EFHC2: variants seen among roughly 807,000 people sequenced by gnomAD.
EFHC2 encodes the protein EF-hand domain-containing family member C2.
A neutral mutation model predicts 52.7 loss-of-function variants in EFHC2; 18 were observed. The observed-to-expected ratio is 0.34, with a 90% CI of 0.24 to 0.51. The LOEUF is 0.51. EFHC2 is among the 20% of genes least tolerant of loss of function. EFHC2 has a pLI of 0.97. For synonymous variants in EFHC2, 203 were observed against 204.1 expected (o/e 0.99, Z 0.04); for missense variants, 513 against 562.5 (o/e 0.91, Z 0.89).
At chrX:44,315,643 A>T (rs970070215) in intron 1 of EFHC2, among the ~76,000 whole-genome samples, 8 of 110,648 alleles carry the variant, frequency 7.2e-5, no homozygotes, top group African/African-American at 2.3e-4. Context: ...TGTATGGCTG[A>T]CTAGAGCCAT....
rs185704616 is a variant in EFHC2, at chrX:44,156,925, C to T, written c.2148+6997G>A. ...AACATGCTGAGACCATAGATAGTCA[C>T]ATAATGGAGTGAGAGTTAAATTACA... is the stretch of plus-strand genomic sequence containing the variant. On this transcript the variant is annotated intron_variant, in intron 14 of 14. Transcript: ENST00000420999. Among the ~76,000 whole-genome samples the T allele has an allele frequency of 3.1e-3, 349 of 111,343 alleles. 1 individual carries two copies. The highest frequency in any genetic ancestry group is 0.011 in the African/African-American group (334 of 30,636).
intron 11 of EFHC2, among the ~76,000 whole-genome samples, chrX:44,206,640 C>A (rs754787829): frequency 9.0e-6 from 1 of 111,681 alleles, no homozygotes; most frequent in East Asian, 2.8e-4. Flanking sequence ...CCTAGGAATA[C>A]ACCTAATCAA....
At chrX:44,287,026 TAAAAAAAAAAAAAAAA>T (rs57970615) in intron 2 of EFHC2, among the ~76,000 whole-genome samples, 3 of 15,209 alleles carry the variant, frequency 2.0e-4, no homozygotes, top group South Asian at 4.4e-3. Flanking sequence ...CTCCCATCTC[TAAAAAAAAAAAAAAAA>T]AAAAAAAAAA....
chrX:44,310,165 C>T (rs2037936317), intron 2 of EFHC2: 2 of 684,379 alleles, frequency 2.9e-6, no homozygotes, highest in Admixed American at 2.2e-5. Context: ...TCCACCTCCT[C>T]GGTGGTCCAG....
At chrX:44,239,984 C>T (rs1451341840) in intron 8 of EFHC2, among the ~76,000 whole-genome samples, 1 of 111,830 alleles carries the variant, frequency 8.9e-6, no homozygotes, top group Non-Finnish European at 1.9e-5. Context: ...ACTATTCCCT[C>T]CAATGACTCA....
chrX:44,197,342 C>A (rs907678069), intron 11 of EFHC2, among the ~76,000 whole-genome samples: 1 of 111,645 alleles, frequency 9.0e-6, no homozygotes. Context: ...AACTAACATG[C>A]ATGTGGGAAT....
intron 4 of EFHC2, among the ~76,000 whole-genome samples, chrX:44,259,585 A>G (rs1263551710): frequency 8.9e-6 from 1 of 112,344 alleles, no homozygotes; most frequent in Non-Finnish European, 1.9e-5. Context: ...TAAACCTATG[A>G]AATCCCACAG....
At position 44,235,320 on chromosome X, in the gene EFHC2, T is replaced by C. The variant is rs185793924; in HGVS notation, c.1408A>G (p.Ile470Val). ...TATCTCTTACCTGAATTCCTCTCTA[T>C]AGGTTCAAACACTGAAATGGTGTCA... ...GDDTISVFEP[I>V]ERNSGIAGGM... is the part of the protein sequence containing the mutation. The change falls in exon 9 of 15, where the codon ATA becomes GTA. Residue 470 changes from isoleucine (I) to valine (V), a missense_variant. Coordinates refer to ENST00000420999, the MANE Select transcript of EFHC2 (RefSeq NM_025184.4). 142 of 1,179,785 alleles carry C rather than the reference T, an allele frequency of 1.2e-4. No homozygotes were observed. In the East Asian group the frequency reaches 3.5e-3, roughly 29 times the overall value.
rs1190192304 is a variant in EFHC2, at chrX:44,286,858, A to T, written c.232-14022T>A. 7.3e-4 allele frequency among the ~76,000 whole-genome samples: 74 copies of T among 101,089 alleles called. 1 individual carries two copies. Among genetic ancestry groups the T allele is most frequent in the African/African-American group, 2.6e-3 (71 of 27,490 alleles). The allele number at this position is 101,089 out of a possible 115,157, so 87.8% of individuals were successfully genotyped here. On this transcript the variant is annotated intron_variant, in intron 2 of 14. Coordinates refer to ENST00000420999, the MANE Select transcript of EFHC2 (RefSeq NM_025184.4). ...GTGAAACCTCGTCTCTACAAAAAAA[A>T]AATAAAAACAACAAAACAACAGCCG...
intron 1 of EFHC2, among the ~76,000 whole-genome samples, chrX:44,336,453 A>C (rs1046790635): frequency 1.8e-5 from 2 of 111,427 alleles, no homozygotes; most frequent in African/African-American, 6.5e-5. Flanking sequence ...GCTAAAATCC[A>C]AAACACTGGC....
rs768309829 is a variant in EFHC2, at chrX:44,194,060, G to A, written c.1752-15496C>T. 2.3e-3 allele frequency among the ~76,000 whole-genome samples: 255 copies of A among 111,596 alleles called. 1 individual carries two copies. Among genetic ancestry groups the A allele is most frequent in the Non-Finnish European group, 4.0e-3 (210 of 53,091 alleles). On this transcript the variant is annotated intron_variant, in intron 11 of 14. Transcript: ENST00000420999. ...TTCCCTGGGACCACTGACTCACATG[G>A]AAGCCCCAGGGTAGACTTTTGGGCT... is the stretch of plus-strand genomic sequence containing the variant.
Position 44,226,310 on chromosome X carries a change from C to A in EFHC2, c.1751+3339G>T, listed in dbSNP as rs763685016. On this transcript the variant is annotated intron_variant, in intron 11 of 14. Coordinates refer to ENST00000420999, the MANE Select transcript of EFHC2 (RefSeq NM_025184.4). Reference sequence around the variant, plus strand: ...CAGTGATGAAAAGCTGAACTACAACCGTGAAGCTGCAGATGTAAAGAAGGG... The same window carrying A: ...CAGTGATGAAAAGCTGAACTACAACAGTGAAGCTGCAGATGTAAAGAAGGG... 3.6e-5 allele frequency among the ~76,000 whole-genome samples: 4 copies of A among 111,211 alleles called. No homozygotes were observed. The Admixed American group carries it at 3.8e-4, about 11-fold the overall frequency.
intron 4 of EFHC2, among the ~76,000 whole-genome samples, chrX:44,259,022 C>T (rs749280012): frequency 9.0e-6 from 1 of 110,965 alleles, no homozygotes; most frequent in African/African-American, 3.3e-5. Flanking sequence ...CCAGAAATAC[C>T]ATTTGACCCA....
At chrX:44,179,081 GA>G (rs920038562) in intron 11 of EFHC2, among the ~76,000 whole-genome samples, 38 of 104,182 alleles carry the variant, frequency 3.6e-4, no homozygotes, top group African/African-American at 1.0e-3. Context: ...AAAAACAAGA[GA>G]AAAAAAAATG....
chrX:44,305,869 T>C (rs193152251), intron 2 of EFHC2, among the ~76,000 whole-genome samples: 133 of 112,258 alleles, frequency 1.2e-3, no homozygotes, highest in Middle Eastern at 4.6e-3. Context: ...CAGACTAATC[T>C]AGTTCAACTT....
intron 11 of EFHC2, among the ~76,000 whole-genome samples, chrX:44,188,177 GC>G (rs1210576209): frequency 9.4e-6 from 1 of 106,787 alleles, no homozygotes; most frequent in African/African-American, 3.4e-5. Context: ...GACGGGGTTG[GC>G]TTTTTGTTTT....
At chrX:44,217,550 G>A (rs1172503403) in intron 11 of EFHC2, among the ~76,000 whole-genome samples, 5 of 111,055 alleles carry the variant, frequency 4.5e-5, no homozygotes, top group Non-Finnish European at 9.5e-5. Flanking sequence ...CAAAAAAAAA[G>A]AATGAAATTT....
intron 2 of EFHC2, among the ~76,000 whole-genome samples, chrX:44,290,194 T>G (rs763186739): frequency 9.0e-6 from 1 of 111,587 alleles, no homozygotes. Flanking sequence ...CAAGTTTACC[T>G]TTTCCATCAC....
chrX:44,149,745 C>T (rs1045918947), intron 14 of EFHC2, among the ~76,000 whole-genome samples: 1 of 111,701 alleles, frequency 9.0e-6, no homozygotes, highest in East Asian at 2.8e-4. Context: ...CTCAAACTCC[C>T]GGCTTCAAGT....
Sources: gnomAD v4.1 joint callset for allele counts (sites outside exome capture counted in the v4.1 genomes callset) on GRCh38, gnomAD v4.1.1 for gene constraint, MANE v1.5 for transcripts, NCBI Gene and HGNC (gene_info 2026-07-23, HGNC 2026-07-21) for gene names.